SHLD2: variants seen among roughly 807,000 people sequenced by gnomAD.
SHLD2 encodes the protein RINN1-REV7-interacting novel NHEJ regulator 2.
In SHLD2, 30 loss-of-function variants were observed where a neutral mutation model predicts 73.2. The observed-to-expected ratio is 0.41, with a 90% CI of 0.31 to 0.56. SHLD2 has a LOEUF of 0.56. Among genes scored for constraint, SHLD2 ranks in the 20% least tolerant of loss-of-function variants. The pLI, the probability that SHLD2 is intolerant of heterozygous loss-of-function variation, is 0.28. For synonymous variants in SHLD2, 285 were observed against 370.1 expected, an observed-to-expected ratio of 0.77 and a Z score of 2.64; for missense variants, 745 against 1,055.9, an observed-to-expected ratio of 0.71 and a Z score of 4.08.
intron 9 of SHLD2, among the ~76,000 whole-genome samples, chr10:87,188,591 T>C (rs1369757610): frequency 3.3e-5 from 5 of 152,204 alleles, no homozygotes; most frequent in East Asian, 3.8e-4. Context: ...ATGTTCCTTA[T>C]GTTGCTGACA....
At chr10:87,098,009 G>A (rs554140718) in intron 2 of SHLD2, among the ~76,000 whole-genome samples, 1 of 151,902 alleles carries the variant, frequency 6.6e-6, no homozygotes, top group Non-Finnish European at 1.5e-5. Context: ...TGATCTGCCC[G>A]CCTTGGCCAC....
chr10:87,160,779 C>T (rs1291820211), intron 4 of SHLD2, among the ~76,000 whole-genome samples: 1 of 151,984 alleles, frequency 6.6e-6, no homozygotes, highest in Non-Finnish European at 1.5e-5. Context: ...CACTTGAGGC[C>T]AGGAGTTTGG....
chr10:87,133,396 TCTC>T (rs1844571381), intron 2 of SHLD2, among the ~76,000 whole-genome samples: 1 of 152,194 alleles, frequency 6.6e-6, no homozygotes, highest in East Asian at 1.9e-4. Context: ...TTATTTCTGT[TCTC>T]CTTCTACAGT....
At chr10:87,101,846 G>A (rs147988605) in intron 2 of SHLD2, among the ~76,000 whole-genome samples, 45 of 152,276 alleles carry the variant, frequency 3.0e-4, no homozygotes, top group African/African-American at 1.0e-3. Flanking sequence ...CCCAGGAGGT[G>A]GAGGTTGCAG....
chr10:87,118,032 A>C (rs1176547375), intron 2 of SHLD2, among the ~76,000 whole-genome samples: 4 of 152,162 alleles, frequency 2.6e-5, no homozygotes, highest in African/African-American at 4.8e-5. Context: ...ACTATTAATG[A>C]TTTAACCTTT....
intron 7 of SHLD2, among the ~76,000 whole-genome samples, chr10:87,177,844 T>C (rs1017217784): frequency 6.6e-5 from 10 of 152,172 alleles, no homozygotes; most frequent in Non-Finnish European, 1.5e-4. Context: ...GAAAGCAAAG[T>C]CCACATTCAG....
intron 2 of SHLD2, among the ~76,000 whole-genome samples, chr10:87,128,848 TTTG>T (rs780875872): frequency 2.6e-5 from 4 of 152,208 alleles, no homozygotes; most frequent in Admixed American, 1.3e-4. Flanking sequence ...TCAGTGTTTT[TTTG>T]TTGTTGTTTT....
chr10:87,162,821 G>A (rs1432428668), intron 4 of SHLD2, among the ~76,000 whole-genome samples: 1 of 152,130 alleles, frequency 6.6e-6, no homozygotes, highest in Non-Finnish European at 1.5e-5. Flanking sequence ...TTAAAAAAAA[G>A]CACATTCTGT....
At chr10:87,097,691 G>C (rs755853994) in intron 2 of SHLD2, among the ~76,000 whole-genome samples, 1 of 152,058 alleles carries the variant, frequency 6.6e-6, no homozygotes, top group Non-Finnish European at 1.5e-5. Context: ...CTGTGTGTAG[G>C]TGCCTTACAA....
At chr10:87,105,744 A>T (rs1589429808) in intron 2 of SHLD2, among the ~76,000 whole-genome samples, 1 of 152,214 alleles carries the variant, frequency 6.6e-6, no homozygotes, top group African/African-American at 2.4e-5. Flanking sequence ...CAGAGGTCAC[A>T]TGTAGCCATA....
At chr10:87,136,661 A>G (rs1005850619) in intron 2 of SHLD2, among the ~76,000 whole-genome samples, 7 of 152,052 alleles carry the variant, frequency 4.6e-5, no homozygotes, top group African/African-American at 1.7e-4. Flanking sequence ...GGATGATTCT[A>G]ACTTCCTGCC....
At chr10:87,135,502 C>T (rs1844737348) in intron 2 of SHLD2, among the ~76,000 whole-genome samples, 1 of 151,850 alleles carries the variant, frequency 6.6e-6, no homozygotes, top group South Asian at 2.1e-4. Context: ...AATTTTCTTT[C>T]CTTTTTTTGA....
intron 2 of SHLD2, among the ~76,000 whole-genome samples, chr10:87,143,263 T>C (rs2134244306): frequency 6.6e-6 from 1 of 152,252 alleles, no homozygotes; most frequent in South Asian, 2.1e-4. Context: ...TGATGTTGCA[T>C]GGCGTGGATG....
intron 4 of SHLD2, among the ~76,000 whole-genome samples, chr10:87,164,723 T>C (rs1370441990): frequency 6.6e-6 from 1 of 151,930 alleles, no homozygotes; most frequent in Non-Finnish European, 1.5e-5. Flanking sequence ...CTGAAGCAAT[T>C]TGAGTAAGAA....
At chr10:87,107,352 T>TGCAGTGA (rs1165595975) in intron 2 of SHLD2, among the ~76,000 whole-genome samples, 55 of 152,254 alleles carry the variant, frequency 3.6e-4, no homozygotes, top group Admixed American at 1.8e-3. Context: ...AGGCAGAGGT[T>TGCAGTGA]GCAGTGAGCC....
chr10:87,152,820 G>T lies in SHLD2; in HGVS notation c.1466G>T (p.Trp489Leu), dbSNP rs532402243. Residue 489 changes from tryptophan (W) to leucine (L), a missense_variant, in exon 3 of 10, where the codon TGG (tryptophan) becomes TTG (leucine). By Grantham distance (61) the Trp-to-Leu change is moderately conservative. Transcript: ENST00000298786. ...GAAACTAAGAAGAAGGTTTTTCTGT[G>T]GAGGACTGCAGCATTTTGGGCATTT... ...QSETKKKVFLWRTAAFWAFTV... is the reference protein window; with the variant it reads ...QSETKKKVFLLRTAAFWAFTV... The T allele has an allele frequency of 6.3e-5, 102 of 1,611,700 alleles. No individual in the cohort carries two copies. In the East Asian group the frequency reaches 2.1e-3, roughly 33 times the overall value.
chr10:87,152,549 G>GCTAA lies in SHLD2; in HGVS notation c.1196_1199dup (p.Lys400AsnfsTer2). Reference sequence around the variant, plus strand: ...AGCTCTATCTAGAGTCCTTCAAGTAGCTAAGAAAATGAAGTTGATTTCTAA... The same window carrying GCTAA: ...AGCTCTATCTAGAGTCCTTCAAGTAGCTAACTAAGAAAATGAAGTTGATTTCTAA... On this transcript the variant is annotated frameshift_variant, in exon 3 of 10. Coordinates refer to ENST00000298786, the MANE Select transcript of SHLD2 (RefSeq NM_001330112.2). LOFTEE classifies it high-confidence loss of function. 6.2e-7 allele frequency: 1 copy of GCTAA among 1,611,786 alleles called. No individual in the cohort carries two copies. The highest frequency in any genetic ancestry group is 8.5e-7 in the Non-Finnish European group (1 of 1,179,822).
At chr10:87,141,627 T>G (rs1435584309) in intron 2 of SHLD2, among the ~76,000 whole-genome samples, 1 of 152,146 alleles carries the variant, frequency 6.6e-6, no homozygotes, top group Non-Finnish European at 1.5e-5. Flanking sequence ...TATTACAAAA[T>G]AGCTGGAAGA....
At chr10:87,099,290 A>G (rs1340689541) in intron 2 of SHLD2, among the ~76,000 whole-genome samples, 1 of 152,208 alleles carries the variant, frequency 6.6e-6, no homozygotes, top group East Asian at 1.9e-4. Flanking sequence ...TAGGATTTAG[A>G]AAAACATAGC....
Sources: allele counts gnomAD v4.1 joint callset (sites outside exome capture counted in the v4.1 genomes callset), GRCh38; gene constraint gnomAD v4.1.1; transcripts MANE v1.5; gene names NCBI Gene and HGNC (gene_info 2026-07-23, HGNC 2026-07-21).